Variants in STRIP1 observed in about 807,000 individuals in gnomAD.
The protein encoded by STRIP1 is striatin interacting protein 1, also known as striatin-interacting protein 1.
Under a neutral mutation model 106.2 loss-of-function variants are expected in STRIP1, and 63 were observed. The observed-to-expected ratio is 0.59, with a 90% CI of 0.48 to 0.73. The LOEUF (loss-of-function observed/expected upper bound fraction) is 0.73. Ranked by LOEUF, STRIP1 falls within the 30% of genes least tolerant of loss-of-function variation. STRIP1 has a pLI of 0.00. For missense variants in STRIP1, 857 were observed against 1,074.8 expected (o/e 0.80, Z 2.83); for synonymous variants, 390 against 413.0 (o/e 0.94, Z 0.67).
intron 12 of STRIP1, among the ~76,000 whole-genome samples, chr1:110,045,787 A>G (rs958274290): frequency 1.3e-5 from 2 of 152,132 alleles, no homozygotes; most frequent in African/African-American, 4.8e-5. Context: ...GACTCTCAGC[A>G]GGCAGACAGG....
chr1:110,054,266 T>C lies in STRIP1; in HGVS notation c.*354T>C. Reference sequence around the variant, plus strand: ...TGCATCTGAATTTCAGGGGTCATGCTGATGCCTCTCGAGACATACAAATCC... The same window carrying C: ...TGCATCTGAATTTCAGGGGTCATGCCGATGCCTCTCGAGACATACAAATCC... On this transcript the variant is annotated 3_prime_UTR_variant, in exon 21 of 21. Transcript: ENST00000369795. 3.9e-6 allele frequency: 1 copy of C among 254,868 alleles called. No individual in the cohort carries two copies. Among genetic ancestry groups the C allele is most frequent in the Non-Finnish European group, 7.7e-6 (1 of 129,460 alleles). The allele number at this position is 254,868 out of a possible 1,614,324, so 15.8% of individuals were successfully genotyped here.
At chr1:110,036,865 C>T (rs954275760) in intron 1 of STRIP1, among the ~76,000 whole-genome samples, 9 of 152,002 alleles carry the variant, frequency 5.9e-5, no homozygotes, top group African/African-American at 2.2e-4. Flanking sequence ...TGTCTGTCTC[C>T]CAAGCTGGAG....
In STRIP1 at chr1:110,051,865, C is replaced by A. The variant is rs182737587; in HGVS notation, c.2244C>A (p.Asn748Lys). ...ACCAGAAGGTGCGGCATCGGCTGAACGACGACTGGGCATACGGCAATGGTG... is the reference window on the plus strand; with the variant it reads ...ACCAGAAGGTGCGGCATCGGCTGAAAGACGACTGGGCATACGGCAATGGTG... The part of the protein sequence containing the change: ...AIYQKVRHRL[N>K]DDWAYGNDLD... The change falls in exon 20 of 21, where the codon AAC becomes AAA. Residue 748 changes from asparagine to lysine, a missense_variant. By Grantham distance (94) the Asn-to-Lys change is moderately conservative. Transcript: ENST00000369795. 1 of 1,612,508 alleles carries A rather than the reference C, an allele frequency of 6.2e-7. No individual in the cohort carries two copies. Among genetic ancestry groups the A allele is most frequent in the Non-Finnish European group, 8.5e-7 (1 of 1,179,904 alleles).
At position 110,049,023 on chromosome 1, in the gene STRIP1, G is replaced by C; in HGVS notation, c.1662-89G>C. 5 of 1,523,554 alleles carry C rather than the reference G, an allele frequency of 3.3e-6. No homozygotes were observed. In the South Asian group the frequency reaches 5.9e-5, roughly 18 times the overall value. The allele number at this position is 1,523,554 out of a possible 1,614,324, so 94.4% of individuals were successfully genotyped here. On this transcript the variant is annotated intron_variant, in intron 15 of 20. Transcript: ENST00000369795. ...GTGGGGAGGTAGGAGTCTTTGCCCA[G>C]GGAGGCTCCGGAGTCCATCTTTTCT...
At position 110,053,572 on chromosome 1, in the gene STRIP1, C is replaced by G. The variant is rs1333052538; in HGVS notation, c.2267-93C>G. The G allele has an allele frequency of 3.3e-6, 5 of 1,532,260 alleles. No homozygotes were observed. The South Asian group carries it at 6.2e-5, about 19-fold the overall frequency. The allele number at this position is 1,532,260 out of a possible 1,614,324, so 94.9% of individuals were successfully genotyped here. On this transcript the variant is annotated intron_variant, in intron 20 of 20. Coordinates refer to ENST00000369795, the MANE Select transcript of STRIP1 (RefSeq NM_033088.4). ...AGGATGAGCTCGGAGGTATCCTGCT[C>G]TTAGTTGACACTCAATATTCCTGGC...
chr1:110,033,399 T>C (rs1490523468), upstream of STRIP1, among the ~76,000 whole-genome samples: 1 of 152,230 alleles, frequency 6.6e-6, no homozygotes, highest in Non-Finnish European at 1.5e-5. Context: ...GCAGGGACTC[T>C]CCACTCTTGG....
At chr1:110,034,922 T>C in intron 1 of STRIP1, 105 bp downstream of exon 1, 1 of 1,152,988 alleles carries the variant, frequency 8.7e-7, no homozygotes, top group Non-Finnish European at 1.2e-6. Flanking sequence ...GAGGGCTCGG[T>C]AGAGTCCGGC....
At position 110,050,524 on chromosome 1, in the gene STRIP1, G is replaced by T. The variant is rs138771848; in HGVS notation, c.1956+115G>T. 1.0e-4 allele frequency: 101 copies of T among 986,774 alleles called. No homozygotes were observed. In the African/African-American group the frequency reaches 1.4e-3, roughly 13 times the overall value. The allele number at this position is 986,774 out of a possible 1,614,324, so 61.1% of individuals were successfully genotyped here. On this transcript the variant is annotated intron_variant, in intron 18 of 20. Coordinates refer to ENST00000369795, the MANE Select transcript of STRIP1 (RefSeq NM_033088.4). ...TGTCTCCCGCAGGTGAAATCACTGT[G>T]GAGTGCCCGGCTTTTAAAGCACTGT... is the stretch of plus-strand genomic sequence containing the variant.
In STRIP1 at chr1:110,034,661, G is replaced by C. The variant is rs1485273967; in HGVS notation, c.24G>C (p.Pro8=). The change falls in exon 1 of 21, where the codon CCG becomes CCC. Residue 8 remains proline (P), a synonymous_variant. Transcript: ENST00000369795. ...AGATGGAGCCGGCAGTCGGCGGTCC[G>C]GGCCCACTGATCGTGAACAACAAAC... MEPAVGG[P]GPLIVNNKQP... is the part of the protein sequence containing the mutation. 2.0e-6 allele frequency: 3 copies of C among 1,522,936 alleles called. No individual in the cohort carries two copies. The highest frequency in any genetic ancestry group is 2.9e-5 in the African/African-American group (2 of 69,408). The allele number at this position is 1,522,936 out of a possible 1,614,324, so 94.3% of individuals were successfully genotyped here.
chr1:110,045,125 T>C, intron 12 of STRIP1, 47 bp downstream of exon 12: 1 of 1,575,172 alleles, frequency 6.3e-7, no homozygotes, highest in South Asian at 1.1e-5. Context: ...CCTAAGTGAG[T>C]AGAGTGAAAC....
chr1:110,034,943 C>G, intron 1 of STRIP1, 126 bp downstream of exon 1: 1 of 928,476 alleles, frequency 1.1e-6, no homozygotes, highest in Non-Finnish European at 1.5e-6. Context: ...CGAGAACTGT[C>G]ACTATACAGC....
chr1:110,048,739 C>CT (rs879506800), intron 15 of STRIP1, among the ~76,000 whole-genome samples: 6 of 152,178 alleles, frequency 3.9e-5, no homozygotes, highest in African/African-American at 7.2e-5. Context: ...CTCCAAAACC[C>CT]TTTTTTTCCA....
intron 20 of STRIP1, among the ~76,000 whole-genome samples, chr1:110,052,203 G>C (rs951629758): frequency 2.6e-5 from 4 of 152,070 alleles, no homozygotes; most frequent in African/African-American, 9.7e-5. Context: ...TACAGCTCTT[G>C]ACTGACTTCC....
intron 5 of STRIP1, chr1:110,039,954 C>CTA: frequency 8.3e-7 from 1 of 1,206,222 alleles, no homozygotes; most frequent in Non-Finnish European, 1.1e-6. Flanking sequence ...TGCTGCTCAT[C>CTA]TAAGGATAAC....
At chr1:110,042,393 C>T (rs558433600) in intron 8 of STRIP1, among the ~76,000 whole-genome samples, 2 of 152,288 alleles carry the variant, frequency 1.3e-5, no homozygotes, top group East Asian at 3.9e-4. Flanking sequence ...GAGGCCTTCC[C>T]AGGAGGAGTG....
upstream of STRIP1, chr1:110,034,598 G>C (rs905701037): frequency 3.4e-6 from 5 of 1,471,970 alleles, no homozygotes; most frequent in African/African-American, 6.0e-5. Flanking sequence ...GCATCACGGC[G>C]GCTGTGCGCG....
At position 110,040,669 on chromosome 1, in the gene STRIP1, C is replaced by T; in HGVS notation, c.616C>T (p.Pro206Ser). The T allele has an allele frequency of 2.5e-6, 4 of 1,612,364 alleles. No individual in the cohort carries two copies. The highest frequency in any genetic ancestry group is 3.4e-6 in the Non-Finnish European group (4 of 1,179,278). ...CGCCTGCAGCAGTGCTGTGAGGAAG[C>T]CTGCCATCTCCCTGGCTGACAGCAC... ...SAACSSAVRK[P>S]AISLADSTDL... is the part of the protein sequence containing the mutation. The change falls in exon 6 of 21, where the codon CCT (proline) becomes TCT (serine). Residue 206 changes from proline (P) to serine (S), a missense_variant. Around this residue, in one of 2 missense-constraint regions of STRIP1, gnomAD observed 750 missense variants for 989.8 expected, o/e 0.76. Transcript: ENST00000369795.
At chr1:110,046,123 G>C (rs935711648) in intron 12 of STRIP1, among the ~76,000 whole-genome samples, 1 of 152,148 alleles carries the variant, frequency 6.6e-6, no homozygotes, top group African/African-American at 2.4e-5. Context: ...TATCTGAAAG[G>C]CCATTTCCCT....
chr1:110,045,221 G>A lies in STRIP1; in HGVS notation c.1416+143G>A, dbSNP rs146694449. ...CCGGGGTGGACTTTGCAATAACCTT[G>A]CAAACAGTCTTTCGTAAGTTTTGCT... On this transcript the variant is annotated intron_variant, in intron 12 of 20. Coordinates refer to ENST00000369795, the MANE Select transcript of STRIP1 (RefSeq NM_033088.4). The A allele has an allele frequency of 6.9e-5, 46 of 669,914 alleles. No individual in the cohort carries two copies. The African/African-American group carries it at 7.6e-4, about 11-fold the overall frequency. The allele number at this position is 669,914 out of a possible 1,614,324, so 41.5% of individuals were successfully genotyped here.
Sources: allele counts gnomAD v4.1 joint callset (sites outside exome capture counted in the v4.1 genomes callset), GRCh38; gene constraint gnomAD v4.1.1; regional missense constraint gnomAD v4.1.1; transcripts MANE v1.5; gene names NCBI Gene and HGNC (gene_info 2026-07-23, HGNC 2026-07-21).